DGKB: variants seen among roughly 807,000 people sequenced by gnomAD.
DGKB encodes diacylglycerol kinase beta.
DGKB carries 67 observed loss-of-function variants against 114.3 expected under a neutral mutation model. The ratio of observed to expected loss-of-function variants is 0.59; its 90% CI spans 0.48 to 0.72. The LOEUF is 0.72. Among genes scored for constraint, DGKB ranks in the 30% least tolerant of loss-of-function variants. DGKB has a pLI of 0.00. For missense variants in DGKB, 907 were observed against 975.2 expected, an observed-to-expected ratio of 0.93 and a Z score of 0.93; for synonymous variants, 398 against 323.1, an observed-to-expected ratio of 1.23 and a Z score of -2.49.
At chr7:14,605,820 AC>A (rs1804400926) in intron 17 of DGKB, among the ~76,000 whole-genome samples, 1 of 152,148 alleles carries the variant, frequency 6.6e-6, no homozygotes, top group Non-Finnish European at 1.5e-5. Context: ...ATAATAAACC[AC>A]ATTCACTGAG....
chr7:14,450,453 G>A (rs1338232547), intron 21 of DGKB, among the ~76,000 whole-genome samples: 1 of 152,110 alleles, frequency 6.6e-6, no homozygotes, highest in Non-Finnish European at 1.5e-5. Context: ...AGGCACAGTG[G>A]GAGATTTCTG....
intron 23 of DGKB, among the ~76,000 whole-genome samples, chr7:14,288,751 G>C (rs1801280842): frequency 6.6e-6 from 1 of 152,072 alleles, no homozygotes; most frequent in Non-Finnish European, 1.5e-5. Flanking sequence ...TTGTTTACAT[G>C]AAAGCATCCA....
intron 5 of DGKB, among the ~76,000 whole-genome samples, chr7:14,734,498 T>C (rs575603606): frequency 2.4e-4 from 36 of 152,198 alleles, no homozygotes; most frequent in African/African-American, 8.4e-4. Context: ...TTACTCTTAT[T>C]CTCTTTTGAA....
intron 10 of DGKB, among the ~76,000 whole-genome samples, chr7:14,683,855 A>G (rs1186575022): frequency 6.6e-6 from 1 of 152,086 alleles, no homozygotes; most frequent in Non-Finnish European, 1.5e-5. Flanking sequence ...TATTAAAAAT[A>G]ATATTGAATA....
chr7:14,743,216 G>A (rs10267536), intron 4 of DGKB, among the ~76,000 whole-genome samples: 14,882 of 152,000 alleles, frequency 0.098, 906 homozygotes, highest in East Asian at 0.23. Flanking sequence ...GGTAAAATTT[G>A]GCTCTCTCTC....
chr7:14,368,823 G>C (rs1052817685), intron 21 of DGKB, among the ~76,000 whole-genome samples: 2 of 152,124 alleles, frequency 1.3e-5, no homozygotes, highest in Non-Finnish European at 2.9e-5. Context: ...GGGAAAAGTA[G>C]GTAGGCACAG....
At chr7:14,586,239 C>T (rs866664233) in intron 17 of DGKB, among the ~76,000 whole-genome samples, 6 of 151,976 alleles carry the variant, frequency 3.9e-5, no homozygotes, top group Non-Finnish European at 7.4e-5. Flanking sequence ...AACAAGAAGG[C>T]GAAACAGCCT....
At chr7:14,533,898 G>T (rs903514634) in intron 20 of DGKB, among the ~76,000 whole-genome samples, 1 of 151,856 alleles carries the variant, frequency 6.6e-6, no homozygotes, top group African/African-American at 2.4e-5. Context: ...GATATATCCT[G>T]CAAGAAGTAC....
chr7:14,232,129 A>G (rs11514733), intron 23 of DGKB, among the ~76,000 whole-genome samples: 33,719 of 151,830 alleles, frequency 0.22, 3,790 homozygotes, highest in Middle Eastern at 0.31. Context: ...TATATGGGAT[A>G]AAATGAAGTG....
At position 14,145,276 on chromosome 7, in the gene DGKB, T is replaced by A. The variant is rs1781360370; in HGVS notation, c.*3855A>T. ...AAAATAAAAGCTCTTTTACAGGGTT[T>A]TATTTATTTATTTTCTTAAAGTTTA... On this transcript the variant is annotated 3_prime_UTR_variant, in exon 26 of 26. Transcript: ENST00000402815. The A allele has an allele frequency of 6.6e-6, 1 of 152,106 alleles. No homozygotes were observed. The highest frequency in any genetic ancestry group is 6.6e-5 in the Admixed American group (1 of 15,264). The allele number at this position is 152,106 out of a possible 1,614,324, so 9.4% of individuals were successfully genotyped here. A position where few individuals can be genotyped will look rare whatever the true frequency, so the allele number is the denominator to read the frequency against.
At chr7:14,601,161 A>G (rs1024397933) in intron 17 of DGKB, among the ~76,000 whole-genome samples, 2 of 152,196 alleles carry the variant, frequency 1.3e-5, no homozygotes, top group African/African-American at 4.8e-5. Flanking sequence ...TGTCTCCTGA[A>G]GGGTGGCTCT....
intron 6 of DGKB, among the ~76,000 whole-genome samples, chr7:14,704,552 G>T (rs868109126): frequency 6.6e-5 from 10 of 151,888 alleles, no homozygotes; most frequent in South Asian, 2.1e-4. Context: ...CGCAGAAGAC[G>T]GGTGATTTCT....
chr7:14,882,476 T>G (rs1176386708), intron 1 of DGKB, among the ~76,000 whole-genome samples: 1 of 152,060 alleles, frequency 6.6e-6, no homozygotes, highest in African/African-American at 2.4e-5. Flanking sequence ...GCAATACAAG[T>G]GCAATTTTGT....
At chr7:14,496,369 T>G (rs76019918) in intron 20 of DGKB, among the ~76,000 whole-genome samples, 3,290 of 151,844 alleles carry the variant, frequency 0.022, 122 homozygotes, top group African/African-American at 0.074. Flanking sequence ...GGATGGGTAT[T>G]TGTTTCTCAG....
intron 5 of DGKB, among the ~76,000 whole-genome samples, chr7:14,730,746 G>A (rs1830786365): frequency 6.6e-6 from 1 of 152,138 alleles, no homozygotes. Context: ...GTCTCAAAAG[G>A]TGGGGATGAC....
At chr7:14,176,776 T>C in intron 25 of DGKB, 63 bp downstream of exon 25, 1 of 1,567,512 alleles carries the variant, frequency 6.4e-7, no homozygotes, top group South Asian at 1.2e-5. Context: ...TTATTGTGGT[T>C]ATTTAGTCAA....
chr7:14,808,365 T>A (rs556401857), intron 2 of DGKB, among the ~76,000 whole-genome samples: 1 of 152,130 alleles, frequency 6.6e-6, no homozygotes, highest in East Asian at 1.9e-4. Flanking sequence ...AACTTGCACA[T>A]TGAGGTAGTT....
At chr7:14,729,751 G>T (rs997933607) in intron 5 of DGKB, among the ~76,000 whole-genome samples, 1 of 151,992 alleles carries the variant, frequency 6.6e-6, no homozygotes, top group African/African-American at 2.4e-5. Context: ...GTTCAAAAGT[G>T]GTTTACAATA....
rs1408105042 is a variant in DGKB, at chr7:14,290,528, T to C, written c.2122+47987A>G. Among the ~76,000 whole-genome samples, 4 of 152,294 alleles carry C rather than the reference T, an allele frequency of 2.6e-5. No individual in the cohort carries two copies. In the East Asian group the frequency reaches 7.7e-4, roughly 29 times the overall value. ...AAAGCTGAGTTGTCAATTGGCTTCATCTTTCCTTCCCTCAGACTCAGGCTG... is the reference window on the plus strand; with the variant it reads ...AAAGCTGAGTTGTCAATTGGCTTCACCTTTCCTTCCCTCAGACTCAGGCTG... On this transcript the variant is annotated intron_variant, in intron 23 of 25. Coordinates refer to ENST00000402815, the MANE Select transcript of DGKB (RefSeq NM_001350709.2).
Sources: allele counts gnomAD v4.1 joint callset (sites outside exome capture counted in the v4.1 genomes callset), GRCh38; gene constraint gnomAD v4.1.1; transcripts MANE v1.5; gene names NCBI Gene and HGNC (gene_info 2026-07-23, HGNC 2026-07-21).